TMEM132D: variants seen among roughly 807,000 people sequenced by gnomAD.
TMEM132D encodes mature OL transmembrane protein.
In TMEM132D, 21 loss-of-function variants were observed where a neutral mutation model predicts 62.3. The observed-to-expected ratio is 0.34, with a 90% CI of 0.24 to 0.49. The LOEUF (loss-of-function observed/expected upper bound fraction) is 0.49, where lower values mean the gene tolerates loss of function less well. TMEM132D is among the 20% of genes least tolerant of loss of function. TMEM132D has a pLI of 0.99. For missense variants in TMEM132D, 1,346 were observed against 1,402.8 expected (o/e 0.96, Z 0.65); for synonymous variants, 621 against 575.6 (o/e 1.08, Z -1.13).
chr12:129,140,504 T>C (rs2135530091), intron 5 of TMEM132D, among the ~76,000 whole-genome samples: 1 of 152,276 alleles, frequency 6.6e-6, no homozygotes, highest in South Asian at 2.1e-4. Context: ...AATTTTACAG[T>C]ATAGAGTCTT....
chr12:129,541,624 A>C (rs1187187425), intron 2 of TMEM132D, among the ~76,000 whole-genome samples: 1 of 152,110 alleles, frequency 6.6e-6, no homozygotes, highest in African/African-American at 2.4e-5. Context: ...AATAAACGAC[A>C]ACACATTCTG....
At chr12:129,195,010 A>AAACC (rs1350772983) in intron 5 of TMEM132D, among the ~76,000 whole-genome samples, 2 of 152,234 alleles carry the variant, frequency 1.3e-5, no homozygotes, top group Admixed American at 1.3e-4. Flanking sequence ...GTAATGATCA[A>AAACC]AACCAACCAG....
intron 3 of TMEM132D, among the ~76,000 whole-genome samples, chr12:129,364,389 C>T (rs556059326): frequency 8.9e-4 from 136 of 152,220 alleles, no homozygotes; most frequent in African/African-American, 3.2e-3. Flanking sequence ...CAGTGTACAA[C>T]CTGTACAACT....
At chr12:129,597,994 G>A (rs1878383717) in intron 2 of TMEM132D, among the ~76,000 whole-genome samples, 1 of 152,026 alleles carries the variant, frequency 6.6e-6, no homozygotes, top group Non-Finnish European at 1.5e-5. Flanking sequence ...CAGTGAGTAG[G>A]GAAATAGAAG....
chr12:129,826,159 C>T (rs1872657510), intron 1 of TMEM132D, among the ~76,000 whole-genome samples: 1 of 152,178 alleles, frequency 6.6e-6, no homozygotes, highest in South Asian at 2.1e-4. Context: ...ATGTCACTTT[C>T]AGGTGACAAC....
chr12:129,618,088 G>A (rs1417921135), intron 2 of TMEM132D, among the ~76,000 whole-genome samples: 2 of 152,130 alleles, frequency 1.3e-5, no homozygotes, highest in Non-Finnish European at 2.9e-5. Flanking sequence ...GACAACCTAG[G>A]GAGCCTGCTA....
chr12:129,224,215 A>C (rs1044345360), intron 4 of TMEM132D, among the ~76,000 whole-genome samples: 9 of 152,132 alleles, frequency 5.9e-5, no homozygotes, highest in Admixed American at 1.3e-4. Flanking sequence ...CTCTTTAGTT[A>C]ATATAATTTA....
At chr12:129,705,758 T>C (rs1019239971) in intron 1 of TMEM132D, among the ~76,000 whole-genome samples, 5 of 152,080 alleles carry the variant, frequency 3.3e-5, no homozygotes, top group African/African-American at 1.2e-4. Flanking sequence ...TACATTCAGA[T>C]AGAGAGTTTC....
At chr12:129,336,393 T>C (rs530117056) in intron 4 of TMEM132D, among the ~76,000 whole-genome samples, 1 of 152,132 alleles carries the variant, frequency 6.6e-6, no homozygotes, top group African/African-American at 2.4e-5. Context: ...CTGGCCAAGA[T>C]GGTGAAACCC....
chr12:129,310,053 G>A (rs1011203937), intron 4 of TMEM132D, among the ~76,000 whole-genome samples: 3 of 150,242 alleles, frequency 2.0e-5, no homozygotes, highest in Non-Finnish European at 4.4e-5. Flanking sequence ...GATGAGGGCT[G>A]GCCGAGGAGG....
chr12:129,885,031 C>T (rs1230155453), intron 1 of TMEM132D, among the ~76,000 whole-genome samples: 1 of 152,174 alleles, frequency 6.6e-6, no homozygotes, highest in East Asian at 1.9e-4. Flanking sequence ...CAAAAGGCTA[C>T]ATAGTGTATG....
chr12:129,827,834 G>T lies in TMEM132D; in HGVS notation c.79+75427C>A, dbSNP rs1273214864. ...TGAGTATGGAAACTGAGAAAGCACA[G>T]CCATTAAAAAATAAAATATGTATAA... On this transcript the variant is annotated intron_variant, in intron 1 of 8. Transcript: ENST00000422113. The surrounding 1 kb of genome is among the most constrained non-coding windows in gnomAD (Gnocchi z 9.7). Among the ~76,000 whole-genome samples the T allele has an allele frequency of 6.6e-6, 1 of 152,098 alleles. No homozygotes were observed. Among genetic ancestry groups the T allele is most frequent in the East Asian group, 1.9e-4 (1 of 5,192 alleles).
chr12:129,794,730 G>A (rs749883269), intron 1 of TMEM132D, among the ~76,000 whole-genome samples: 25 of 152,198 alleles, frequency 1.6e-4, no homozygotes, highest in Middle Eastern at 6.8e-3. Context: ...TACTATCTGT[G>A]AGTGCGATCT....
At chr12:129,606,411 G>A (rs576780837) in intron 2 of TMEM132D, among the ~76,000 whole-genome samples, 3 of 152,110 alleles carry the variant, frequency 2.0e-5, no homozygotes, top group Admixed American at 6.5e-5. Context: ...AGAGTCTGCC[G>A]CAGCCCCGGA....
intron 5 of TMEM132D, among the ~76,000 whole-genome samples, chr12:129,117,243 C>T (rs866111720): frequency 1.3e-5 from 2 of 151,248 alleles, no homozygotes; most frequent in African/African-American, 4.9e-5. Flanking sequence ...AAACATTAAA[C>T]TGATAGCTGG....
chr12:129,349,537 G>A (rs796613974), intron 3 of TMEM132D, among the ~76,000 whole-genome samples: 11 of 152,248 alleles, frequency 7.2e-5, no homozygotes, highest in African/African-American at 2.6e-4. Flanking sequence ...CCTTTTTATA[G>A]GAAAAGGCTT....
intron 5 of TMEM132D, among the ~76,000 whole-genome samples, chr12:129,090,035 A>G (rs1281915829): frequency 6.6e-6 from 1 of 152,242 alleles, no homozygotes; most frequent in Non-Finnish European, 1.5e-5. Flanking sequence ...TTTCCTATGC[A>G]GGCCCCTTTC....
chr12:129,401,836 C>T (rs1871633662), intron 3 of TMEM132D, among the ~76,000 whole-genome samples: 1 of 152,194 alleles, frequency 6.6e-6, no homozygotes, highest in South Asian at 2.1e-4. Context: ...GCATCTAGCA[C>T]AGGGCCCTGT....
intron 5 of TMEM132D, among the ~76,000 whole-genome samples, chr12:129,111,909 G>C (rs1875715798): frequency 6.6e-6 from 1 of 152,122 alleles, no homozygotes; most frequent in South Asian, 2.1e-4. Flanking sequence ...TACCATCCCT[G>C]GTGGCACGGA....
Sources: allele counts gnomAD v4.1 joint callset (sites outside exome capture counted in the v4.1 genomes callset), GRCh38; gene constraint gnomAD v4.1.1; non-coding constraint Gnocchi (gnomAD v3.1); transcripts MANE v1.5; gene names NCBI Gene and HGNC (gene_info 2026-07-23, HGNC 2026-07-21).